Variants in ST3GAL3 observed in about 807,000 individuals in gnomAD.
ST3GAL3 encodes CMP-N-acetylneuraminate-beta-1,4-galactoside alpha-2,3-sialyltransferase.
Under a neutral mutation model 50.1 loss-of-function variants are expected in ST3GAL3, and 21 were observed. That is an observed-to-expected ratio of 0.42 (90% confidence interval 0.30 to 0.60). ST3GAL3 has a LOEUF of 0.60. ST3GAL3 is among the 20% of genes least tolerant of loss of function. ST3GAL3 has a pLI of 0.19. For synonymous variants in ST3GAL3, 183 were observed against 190.0 expected (o/e 0.96, Z 0.30); for missense variants, 353 against 489.4 (o/e 0.72, Z 2.63).
At chr1:43,869,368 C>T (rs1483096584) in intron 5 of ST3GAL3, among the ~76,000 whole-genome samples, 2 of 152,202 alleles carry the variant, frequency 1.3e-5, no homozygotes, top group Non-Finnish European at 2.9e-5. Context: ...TCTTGCCAGA[C>T]ATCTCTGCCC....
chr1:43,711,716 C>T (rs556829449), intron 1 of ST3GAL3, among the ~76,000 whole-genome samples: 21 of 152,274 alleles, frequency 1.4e-4, no homozygotes, highest in African/African-American at 5.1e-4. Context: ...CTGTTACATC[C>T]GAGTTATGAC....
intron 2 of ST3GAL3, among the ~76,000 whole-genome samples, chr1:43,763,972 G>A (rs888725550): frequency 6.6e-6 from 1 of 152,204 alleles, no homozygotes; most frequent in Admixed American, 6.5e-5. Context: ...ACCTAACGTT[G>A]AGTCCTGGCT....
At chr1:43,890,292 G>GT (rs1227827437) in intron 5 of ST3GAL3, among the ~76,000 whole-genome samples, 3 of 152,292 alleles carry the variant, frequency 2.0e-5, no homozygotes, top group African/African-American at 7.2e-5. Context: ...AGTGGATGGG[G>GT]TATAAAAGAA....
At chr1:43,900,006 C>T (rs1446166096) in intron 9 of ST3GAL3, among the ~76,000 whole-genome samples, 1 of 152,156 alleles carries the variant, frequency 6.6e-6, no homozygotes, top group African/African-American at 2.4e-5. Context: ...AGCCAGACCC[C>T]AGCAGCCCCA....
intron 1 of ST3GAL3, among the ~76,000 whole-genome samples, chr1:43,712,349 G>C (rs1209708398): frequency 6.6e-6 from 1 of 152,066 alleles, no homozygotes; most frequent in African/African-American, 2.4e-5. Context: ...GCATCCCTAC[G>C]ATCTCTTATT....
At chr1:43,877,541 T>G (rs2074339742) in intron 5 of ST3GAL3, among the ~76,000 whole-genome samples, 1 of 152,158 alleles carries the variant, frequency 6.6e-6, no homozygotes, top group Non-Finnish European at 1.5e-5. Context: ...GGCTCCTTTT[T>G]TGATGTGTTG....
intron 2 of ST3GAL3, among the ~76,000 whole-genome samples, chr1:43,739,642 A>G (rs1350631824): frequency 6.6e-6 from 1 of 152,234 alleles, no homozygotes; most frequent in Non-Finnish European, 1.5e-5. Flanking sequence ...AGCCTATAAT[A>G]TGAGAACAAA....
chr1:43,708,530 C>T (rs1278014492), intron 1 of ST3GAL3, among the ~76,000 whole-genome samples: 1 of 152,136 alleles, frequency 6.6e-6, no homozygotes, highest in Non-Finnish European at 1.5e-5. Context: ...AGATAGTCCC[C>T]ATGACAAATT....
chr1:43,744,683 TAAATAAAATAAAATAAA>T (rs1682754391), intron 2 of ST3GAL3, among the ~76,000 whole-genome samples: 2 of 143,136 alleles, frequency 1.4e-5, no homozygotes, highest in South Asian at 4.2e-4. Context: ...AATAAATAAA[TAAATAAAATAAAATAAA>T]AAATAAAATA....
chr1:43,843,328 AG>A (rs1322620099), intron 5 of ST3GAL3, among the ~76,000 whole-genome samples: 2 of 152,206 alleles, frequency 1.3e-5, no homozygotes, highest in African/African-American at 4.8e-5. Context: ...GCATATTTTG[AG>A]AAGATCATAT....
At chr1:43,920,195 C>CATTAAAA in intron 9 of ST3GAL3, 1 of 627,582 alleles carries the variant, frequency 1.6e-6, no homozygotes. Flanking sequence ...GGAGCCCCAC[C>CATTAAAA]ACACGCTCTC....
intron 3 of ST3GAL3, among the ~76,000 whole-genome samples, chr1:43,812,547 G>A (rs1012144318): frequency 2.0e-5 from 3 of 152,208 alleles, no homozygotes; most frequent in African/African-American, 4.8e-5. Flanking sequence ...CTGCAGCCTC[G>A]ATCTCCCAGG....
At position 43,894,918 on chromosome 1, in the gene ST3GAL3, G is replaced by A. The variant is rs1005286352; in HGVS notation, c.397+441G>A. Among the ~76,000 whole-genome samples the A allele has an allele frequency of 4.6e-5, 7 of 152,178 alleles. No individual in the cohort carries two copies. In the East Asian group the frequency reaches 1.2e-3, roughly 25 times the overall value. ...GTTACAGGCATGAGCCACCATGCCCGGCTTCTTCTTTAATGGAATATTTAC... is the reference window on the plus strand; with the variant it reads ...GTTACAGGCATGAGCCACCATGCCCAGCTTCTTCTTTAATGGAATATTTAC... On this transcript the variant is annotated intron_variant, in intron 6 of 11. Coordinates refer to ENST00000347631, the MANE Select transcript of ST3GAL3 (RefSeq NM_006279.5).
intron 1 of ST3GAL3, among the ~76,000 whole-genome samples, chr1:43,708,475 T>C (rs1178178092): frequency 6.6e-6 from 1 of 152,186 alleles, no homozygotes; most frequent in Non-Finnish European, 1.5e-5. Context: ...TATAGATAGC[T>C]GGACATTAAG....
At chr1:43,732,172 T>C (rs548393748) in intron 1 of ST3GAL3, among the ~76,000 whole-genome samples, 19 of 152,350 alleles carry the variant, frequency 1.2e-4, no homozygotes, top group Non-Finnish European at 2.2e-4. Context: ...GTTATTCTCC[T>C]GCCCTGGCAG....
At chr1:43,708,294 A>G (rs1303774791) in intron 1 of ST3GAL3, among the ~76,000 whole-genome samples, 1 of 152,150 alleles carries the variant, frequency 6.6e-6, no homozygotes, top group Non-Finnish European at 1.5e-5. Context: ...CCTTTTTACA[A>G]CAATGTCCAT....
At chr1:43,753,597 C>G (rs1036106226) in intron 2 of ST3GAL3, among the ~76,000 whole-genome samples, 2 of 152,178 alleles carry the variant, frequency 1.3e-5, no homozygotes, top group Admixed American at 1.3e-4. Context: ...CTCCCTGCTG[C>G]TCTCTATTAC....
At chr1:43,920,323 C>T in intron 9 of ST3GAL3, 81 bp from the exon 10 acceptor site, 2 of 1,584,696 alleles carry the variant, frequency 1.3e-6, no homozygotes, top group East Asian at 2.2e-5. Context: ...CCTCACTGTC[C>T]CTACTTGGGG....
chr1:43,884,441 T>A (rs1248085767), intron 5 of ST3GAL3, among the ~76,000 whole-genome samples: 1 of 152,226 alleles, frequency 6.6e-6, no homozygotes, highest in Non-Finnish European at 1.5e-5. Context: ...AGTGTTCGCA[T>A]TACTTGCTTA....
Sources: allele counts gnomAD v4.1 joint callset (sites outside exome capture counted in the v4.1 genomes callset), GRCh38; gene constraint gnomAD v4.1.1; transcripts MANE v1.5; gene names NCBI Gene and HGNC (gene_info 2026-07-23, HGNC 2026-07-21).